The following PREX2 variants were observed in gnomAD, a reference collection of about 807,000 sequenced individuals.
The protein encoded by PREX2 is phosphatidylinositol 3,4,5-trisphosphate-dependent Rac exchanger 2 protein.
In PREX2, 107 loss-of-function variants were observed where a neutral mutation model predicts 203.2. The observed-to-expected ratio is 0.53, with a 90% CI of 0.45 to 0.62. The LOEUF is 0.62. Ranked by LOEUF, PREX2 falls within the 20% of genes least tolerant of loss-of-function variation. PREX2 has a pLI of 0.00. For synonymous variants in PREX2, 672 were observed against 663.6 expected (o/e 1.01, Z -0.19); for missense variants, 1,777 against 1,955.9 (o/e 0.91, Z 1.72).
intron 1 of PREX2, among the ~76,000 whole-genome samples, chr8:67,954,845 A>G (rs1805449115): frequency 6.6e-6 from 1 of 152,196 alleles, no homozygotes; most frequent in African/African-American, 2.4e-5. Context: ...CCCTATAAAT[A>G]AGCAAACAAA....
At chr8:68,015,952 G>A (rs773240903) in intron 1 of PREX2, among the ~76,000 whole-genome samples, 3 of 152,092 alleles carry the variant, frequency 2.0e-5, no homozygotes, top group Non-Finnish European at 1.5e-5. Flanking sequence ...TATTTCAGCT[G>A]ATGTTGAAGA....
At chr8:68,060,405 T>C (rs1187616264) in intron 10 of PREX2, among the ~76,000 whole-genome samples, 1 of 152,216 alleles carries the variant, frequency 6.6e-6, no homozygotes, top group South Asian at 2.1e-4. Context: ...AATTTTCACT[T>C]TGTGTTTATT....
chr8:68,108,405 A>T (rs1810462689), intron 24 of PREX2, 74 bp downstream of exon 24: 1 of 981,050 alleles, frequency 1.0e-6, no homozygotes, highest in African/African-American at 1.6e-5. Context: ...TGCATCCCTG[A>T]AATTCAATAG....
rs1375231224 is a variant in PREX2, at chr8:68,053,202, A to G, written c.1049A>G (p.His350Arg). The G allele has an allele frequency of 6.2e-7, 1 of 1,613,826 alleles. No homozygotes were observed. Among genetic ancestry groups the G allele is most frequent in the South Asian group, 1.1e-5 (1 of 91,066 alleles). Residue 350 changes from histidine to arginine, a missense_variant, in exon 9 of 40, where the codon CAT becomes CGT. By Grantham distance (29) the His-to-Arg change is conservative. Coordinates refer to ENST00000288368, the MANE Select transcript of PREX2 (RefSeq NM_024870.4). ...ATGGCAAAAACACCTGAAGAGAAGCATGAATGGTTTGAAGCTATTTTGAAA... is the reference window on the plus strand; with the variant it reads ...ATGGCAAAAACACCTGAAGAGAAGCGTGAATGGTTTGAAGCTATTTTGAAA... ...VCMAKTPEEK[H>R]EWFEAILKER...
chr8:68,059,503 A>G (rs1808780900), intron 10 of PREX2, among the ~76,000 whole-genome samples: 1 of 152,242 alleles, frequency 6.6e-6, no homozygotes, highest in Non-Finnish European at 1.5e-5. Context: ...ATGAGATACA[A>G]TAATGAATTT....
intron 8 of PREX2, among the ~76,000 whole-genome samples, chr8:68,044,893 A>C (rs1329970117): frequency 6.6e-6 from 1 of 152,112 alleles, no homozygotes; most frequent in Non-Finnish European, 1.5e-5. Context: ...GAAAAGAGTT[A>C]ATGAATGAAT....
intron 7 of PREX2, among the ~76,000 whole-genome samples, chr8:68,042,794 A>G (rs1331538602): frequency 6.6e-6 from 1 of 152,120 alleles, no homozygotes; most frequent in African/African-American, 2.4e-5. Context: ...TAAGAATTAT[A>G]GAATTGATCA....
At chr8:67,966,777 A>G (rs535903263) in intron 1 of PREX2, among the ~76,000 whole-genome samples, 2 of 152,342 alleles carry the variant, frequency 1.3e-5, no homozygotes, top group South Asian at 2.1e-4. Context: ...ATTCTCTCCA[A>G]TGATTGCTTT....
chr8:67,988,638 C>T (rs956000119), intron 1 of PREX2, among the ~76,000 whole-genome samples: 1 of 152,214 alleles, frequency 6.6e-6, no homozygotes, highest in Non-Finnish European at 1.5e-5. Flanking sequence ...AAGGCTGGTG[C>T]CCACTGCTCA....
chr8:68,204,445 T>G (rs1812569023), intron 37 of PREX2, among the ~76,000 whole-genome samples: 1 of 152,112 alleles, frequency 6.6e-6, no homozygotes, highest in Admixed American at 6.5e-5. Context: ...TTAATGAGAA[T>G]TTCATGGCTA....
intron 10 of PREX2, among the ~76,000 whole-genome samples, chr8:68,057,855 G>A (rs1302696397): frequency 2.0e-5 from 3 of 152,216 alleles, no homozygotes; most frequent in Non-Finnish European, 4.4e-5. Flanking sequence ...GGGGAGCATA[G>A]CTATTATAGA....
chr8:67,959,222 G>T (rs991983860), intron 1 of PREX2, among the ~76,000 whole-genome samples: 1 of 152,174 alleles, frequency 6.6e-6, no homozygotes, highest in African/African-American at 2.4e-5. Flanking sequence ...TCAAAGAAAG[G>T]TCTCTTTAAA....
chr8:67,953,680 G>A (rs1399355011), intron 1 of PREX2, among the ~76,000 whole-genome samples: 1 of 152,110 alleles, frequency 6.6e-6, no homozygotes, highest in East Asian at 1.9e-4. Flanking sequence ...GTGGCAAGAA[G>A]GAAAGAAAAA....
chr8:67,971,935 A>G (rs759734963), intron 1 of PREX2, among the ~76,000 whole-genome samples: 1 of 152,214 alleles, frequency 6.6e-6, no homozygotes, highest in Non-Finnish European at 1.5e-5. Flanking sequence ...GAGAATTCCC[A>G]TGGAGGACTG....
intron 1 of PREX2, among the ~76,000 whole-genome samples, chr8:67,991,817 A>G (rs62520724): frequency 0.15 from 22,464 of 152,168 alleles, 2,332 homozygotes; most frequent in African/African-American, 0.3. Flanking sequence ...ACTCAACTTT[A>G]GCCAATTGGT....
At chr8:68,210,619 A>G (rs763927976) in intron 37 of PREX2, among the ~76,000 whole-genome samples, 12 of 152,238 alleles carry the variant, frequency 7.9e-5, no homozygotes, top group Non-Finnish European at 1.3e-4. Flanking sequence ...CATCTCCCCA[A>G]GTGCTCAATA....
In PREX2 at chr8:68,069,862, A is replaced by G; in HGVS notation, c.1471A>G (p.Ser491Gly). The stretch of plus-strand genomic sequence containing the variant: ...TGTAAGATTATATTGTCGTCTTCAT[A>G]GCCTTTTTACTCCAGTGATAAGGTG... ...KGVRLYCRLH[S>G]LFTPVIRDKD... Residue 491 changes from serine to glycine, a missense_variant, in exon 13 of 40, where the codon AGC becomes GGC. Transcript: ENST00000288368. The G allele has an allele frequency of 6.4e-7, 1 of 1,558,142 alleles. No individual in the cohort carries two copies. The highest frequency in any genetic ancestry group is 1.2e-5 in the South Asian group (1 of 86,188).
At chr8:67,995,756 A>G (rs140709354) in intron 1 of PREX2, among the ~76,000 whole-genome samples, 56 of 152,244 alleles carry the variant, frequency 3.7e-4, no homozygotes, top group African/African-American at 1.3e-3. Context: ...GTTGTTTCCA[A>G]TTTGTATCTA....
intron 11 of PREX2, among the ~76,000 whole-genome samples, chr8:68,061,910 C>A (rs944988610): frequency 6.6e-6 from 1 of 152,026 alleles, no homozygotes; most frequent in Non-Finnish European, 1.5e-5. Flanking sequence ...GGACTCAGGA[C>A]AAAGGTTTAA....
Sources: gnomAD v4.1 joint callset for allele counts (sites outside exome capture counted in the v4.1 genomes callset) on GRCh38, gnomAD v4.1.1 for gene constraint, MANE v1.5 for transcripts, NCBI Gene and HGNC (gene_info 2026-07-23, HGNC 2026-07-21) for gene names.